Variants in MYO3A observed in about 807,000 individuals in gnomAD.
MYO3A encodes myosin-IIIa.
MYO3A carries 180 observed loss-of-function variants against 192.7 expected under a neutral mutation model. The ratio of observed to expected loss-of-function variants is 0.93; its 90% CI spans 0.83 to 1.06. The LOEUF (loss-of-function observed/expected upper bound fraction) is 1.06. MYO3A is among the 50% of genes least tolerant of loss of function. The pLI is 0.00. For missense variants in MYO3A, 1,896 were observed against 1,905.0 expected (o/e 1.00, Z 0.09); for synonymous variants, 628 against 645.3 (o/e 0.97, Z 0.41).
intron 17 of MYO3A, among the ~76,000 whole-genome samples, chr10:26,101,339 A>T (rs1228991303): frequency 1.3e-5 from 2 of 152,004 alleles, no homozygotes; most frequent in African/African-American, 4.8e-5. Flanking sequence ...ATGGGTCTTG[A>T]CTCTTTATCC....
chr10:26,052,950 C>T (rs1329193180), intron 10 of MYO3A, among the ~76,000 whole-genome samples: 1 of 151,926 alleles, frequency 6.6e-6, no homozygotes, highest in Non-Finnish European at 1.5e-5. Flanking sequence ...TATGTCTCTC[C>T]AGTATTACAG....
chr10:25,982,045 T>C (rs1214073111), intron 4 of MYO3A, among the ~76,000 whole-genome samples: 1 of 152,158 alleles, frequency 6.6e-6, no homozygotes, highest in African/African-American at 2.4e-5. Flanking sequence ...GTGCTGTTGA[T>C]GGGGCACGGT....
intron 14 of MYO3A, among the ~76,000 whole-genome samples, chr10:26,087,889 G>A (rs1836437448): frequency 6.6e-6 from 1 of 152,210 alleles, no homozygotes; most frequent in Non-Finnish European, 1.5e-5. Flanking sequence ...GGTGGAGGAG[G>A]AATAACAGAA....
At chr10:26,082,277 GT>G (rs1167830968) in intron 14 of MYO3A, among the ~76,000 whole-genome samples, 4 of 151,956 alleles carry the variant, frequency 2.6e-5, no homozygotes, top group Non-Finnish European at 5.9e-5. Context: ...CTGTTTTATA[GT>G]TTTCAGTGTA....
chr10:26,028,648 G>A (rs1842668355), intron 10 of MYO3A, among the ~76,000 whole-genome samples: 1 of 152,220 alleles, frequency 6.6e-6, no homozygotes, highest in Non-Finnish European at 1.5e-5. Context: ...TGAAGGATAT[G>A]AGATATTACC....
chr10:26,052,996 A>G (rs1387109727), intron 10 of MYO3A, among the ~76,000 whole-genome samples: 1 of 152,210 alleles, frequency 6.6e-6, no homozygotes, highest in Non-Finnish European at 1.5e-5. Context: ...AACAAGTTGT[A>G]CTTTTCACAA....
intron 27 of MYO3A, among the ~76,000 whole-genome samples, chr10:26,167,988 A>G (rs1841844911): frequency 6.6e-6 from 1 of 152,222 alleles, no homozygotes; most frequent in Non-Finnish European, 1.5e-5. Flanking sequence ...ATTTCCTTGG[A>G]GGAGGGGAGA....
chr10:25,998,114 A>G (rs534223119), intron 6 of MYO3A, among the ~76,000 whole-genome samples: 2 of 152,272 alleles, frequency 1.3e-5, no homozygotes, highest in East Asian at 3.9e-4. Flanking sequence ...TTATAGATAA[A>G]GATACTTAGA....
At chr10:26,097,077 G>A (rs1421428311) in intron 17 of MYO3A, among the ~76,000 whole-genome samples, 3 of 151,738 alleles carry the variant, frequency 2.0e-5, no homozygotes, top group African/African-American at 7.3e-5. Context: ...GTATATTTCA[G>A]TGACCTTTAG....
intron 8 of MYO3A, chr10:26,022,256 TA>T (rs1392615790): frequency 2.0e-5 from 3 of 152,220 alleles, no homozygotes; most frequent in Non-Finnish European, 4.4e-5. Context: ...TCCTATAAAC[TA>T]ATTTCTTTAA....
intron 20 of MYO3A, among the ~76,000 whole-genome samples, chr10:26,132,543 T>C (rs996355310): frequency 6.6e-6 from 1 of 152,240 alleles, no homozygotes; most frequent in African/African-American, 2.4e-5. Context: ...ATGTGTATGA[T>C]GCTACAGCGT....
intron 10 of MYO3A, among the ~76,000 whole-genome samples, chr10:26,041,106 T>C (rs777353487): frequency 2.6e-5 from 4 of 152,106 alleles, no homozygotes; most frequent in Non-Finnish European, 5.9e-5. Context: ...AATTGTTATA[T>C]CCTCCTGCTG....
chr10:26,207,179 T>A (rs1564647155), intron 34 of MYO3A, among the ~76,000 whole-genome samples: 1 of 152,180 alleles, frequency 6.6e-6, no homozygotes, highest in South Asian at 2.1e-4. Flanking sequence ...GTTTCTTCAT[T>A]CTGTTGAATG....
rs1838811279 is a variant in MYO3A, at chr10:26,120,708, A to T, written c.1809A>T (p.Ala603=). Residue 603 remains alanine (A), a synonymous_variant, in exon 18 of 35, where the codon GCA becomes GCT. Transcript: ENST00000642920. ...QLGSIYSILA[A]ILNVGNIEFS... is the part of the protein sequence containing the mutation. ...GTAGTATATACAGCATACTCGCTGC[A>T]ATCTTGAATGTTGGCAACATTGAAT... The T allele has an allele frequency of 6.2e-7, 1 of 1,613,990 alleles. No individual in the cohort carries two copies. Among genetic ancestry groups the T allele is most frequent in the Non-Finnish European group, 8.5e-7 (1 of 1,179,998 alleles).
chr10:25,999,478 GT>G (rs1840646190), intron 6 of MYO3A, among the ~76,000 whole-genome samples: 1 of 152,182 alleles, frequency 6.6e-6, no homozygotes, highest in South Asian at 2.1e-4. Flanking sequence ...TGGTAGGGGT[GT>G]ACATTTATAC....
chr10:25,988,803 C>T (rs1313423821), intron 4 of MYO3A, among the ~76,000 whole-genome samples: 2 of 151,518 alleles, frequency 1.3e-5, no homozygotes, highest in Non-Finnish European at 2.9e-5. Flanking sequence ...GCAAAGAAGC[C>T]AAATATTTAC....
chr10:26,105,168 A>G (rs7899880), intron 17 of MYO3A, among the ~76,000 whole-genome samples: 72,992 of 151,922 alleles, frequency 0.48, 18,240 homozygotes, highest in Middle Eastern at 0.59. Context: ...CATGAGCAAA[A>G]CTGAAGTATG....
intron 4 of MYO3A, among the ~76,000 whole-genome samples, chr10:25,975,644 A>G (rs1430210810): frequency 6.6e-6 from 1 of 152,222 alleles, no homozygotes; most frequent in African/African-American, 2.4e-5. Context: ...GACATTCCAC[A>G]TGAACCCAGA....
intron 10 of MYO3A, among the ~76,000 whole-genome samples, chr10:26,061,328 A>T (rs1834466074): frequency 6.6e-6 from 1 of 152,238 alleles, no homozygotes. Flanking sequence ...AACAATGAAC[A>T]TGTATAGACT....
Sources: gnomAD v4.1 joint callset for allele counts (sites outside exome capture counted in the v4.1 genomes callset) on GRCh38, gnomAD v4.1.1 for gene constraint, MANE v1.5 for transcripts, NCBI Gene and HGNC (gene_info 2026-07-23, HGNC 2026-07-21) for gene names.